Variants in MAP1B observed in about 807,000 individuals in gnomAD.
MAP1B encodes the protein microtubule-associated protein 1B.
MAP1B carries 12 observed loss-of-function variants against 176.1 expected under a neutral mutation model. That is an observed-to-expected ratio of 0.07 (90% CI 0.04 to 0.11). The LOEUF (loss-of-function observed/expected upper bound fraction) is 0.11, where lower values mean the gene tolerates loss of function less well. Ranked by LOEUF, MAP1B falls within the 10% of genes least tolerant of loss-of-function variation. MAP1B has a pLI of 1.00. For synonymous variants in MAP1B, 1,044 were observed against 1,135.0 expected, an observed-to-expected ratio of 0.92 and a Z score of 1.61; for missense variants, 2,523 against 2,990.5, an observed-to-expected ratio of 0.84 and a Z score of 3.65.
In MAP1B at chr5:72,196,900, C is replaced by T. The variant is rs779963708; in HGVS notation, c.3545C>T (p.Pro1182Leu). ...QEYSKPADVT[P>L]LNGFSEGSKT... ...TACTCTAAACCTGCTGATGTTACACCGCTCAACGGATTTTCTGAAGGATCA... is the reference window on the plus strand; with the variant it reads ...TACTCTAAACCTGCTGATGTTACACTGCTCAACGGATTTTCTGAAGGATCA... Residue 1182 changes from proline (P) to leucine (L), a missense_variant, in exon 5 of 7, where the codon CCG (proline) becomes CTG (leucine). Coordinates refer to ENST00000296755, the MANE Select transcript of MAP1B (RefSeq NM_005909.5). The surrounding 1 kb of genome is among the most constrained non-coding windows in gnomAD (Gnocchi z 5.3). 2.1e-5 allele frequency: 34 copies of T among 1,614,064 alleles called. No individual in the cohort carries two copies. The Middle Eastern group carries it at 4.9e-4, about 23-fold the overall frequency.
At chr5:72,176,976 G>T (rs1746663478) in intron 2 of MAP1B, among the ~76,000 whole-genome samples, 1 of 152,230 alleles carries the variant, frequency 6.6e-6, no homozygotes, top group Admixed American at 6.5e-5. Flanking sequence ...CTTCCCTGGA[G>T]ACAGATTCTG....
intron 1 of MAP1B, among the ~76,000 whole-genome samples, chr5:72,108,456 G>C (rs1579972955): frequency 6.6e-6 from 1 of 152,250 alleles, no homozygotes; most frequent in Non-Finnish European, 1.5e-5. Context: ...TCCCAGCCTC[G>C]GGAGTGGTAG....
At position 72,206,242 on chromosome 5, in the gene MAP1B, A is replaced by G. The variant is rs992629150; in HGVS notation, c.*1003A>G. 3 of 152,702 alleles carry G rather than the reference A, an allele frequency of 2.0e-5. No individual in the cohort carries two copies. The highest frequency in any genetic ancestry group is 6.5e-5 in the Admixed American group (1 of 15,290). The allele number at this position is 152,702 out of a possible 1,614,324, so 9.5% of individuals were successfully genotyped here. On this transcript the variant is annotated 3_prime_UTR_variant, in exon 7 of 7. Transcript: ENST00000296755. Reference sequence around the variant, plus strand: ...ACTTATTTTTTAATGTGAGACAGCAAGTTTATAAAACATCCATATAGGATT... The same window carrying G: ...ACTTATTTTTTAATGTGAGACAGCAGGTTTATAAAACATCCATATAGGATT...
chr5:72,172,925 C>G (rs1327894562), intron 2 of MAP1B, among the ~76,000 whole-genome samples: 2 of 152,180 alleles, frequency 1.3e-5, no homozygotes, highest in Non-Finnish European at 2.9e-5. Context: ...CAGCATGCCT[C>G]CAAGCAAACT....
Position 72,185,210 on chromosome 5 carries a change from C to G in MAP1B, c.369+1385C>G, listed in dbSNP as rs148126567. Among the ~76,000 whole-genome samples the G allele has an allele frequency of 5.2e-3, 797 of 152,238 alleles. 16 individuals carry two copies. The highest frequency in any genetic ancestry group is 0.018 in the African/African-American group (765 of 41,520). On this transcript the variant is annotated intron_variant, in intron 3 of 6. Transcript: ENST00000296755. ...GTGTATCCATTCCTCAGTTGACGGACACTTGAGTTGCTTCCACTTTTTGGC... is the reference window on the plus strand; with the variant it reads ...GTGTATCCATTCCTCAGTTGACGGAGACTTGAGTTGCTTCCACTTTTTGGC...
At chr5:72,187,431 A>T (rs1746931875) in intron 4 of MAP1B, among the ~76,000 whole-genome samples, 1 of 152,146 alleles carries the variant, frequency 6.6e-6, no homozygotes, top group African/African-American at 2.4e-5. Flanking sequence ...CTGCTTGGGA[A>T]TTTATCCTGG....
chr5:72,199,718 G>A lies in MAP1B; in HGVS notation c.6363G>A (p.Lys2121=). ...AAGAACCCACTGAAGAATCTGAAAA[G>A]CCCCTCACTCAATCAGGGGGAGCCC... The part of the protein sequence containing the change: ...ASEEPTEESE[K]PLTQSGGAPP... Residue 2121 remains lysine (K), a synonymous_variant, in exon 5 of 7, where the codon AAG becomes AAA. Transcript: ENST00000296755. This position sits in a 1 kb window ranked among gnomAD's most constrained non-coding sequence, Gnocchi z 4.2. The A allele has an allele frequency of 6.2e-7, 1 of 1,614,082 alleles. No individual in the cohort carries two copies. Among genetic ancestry groups the A allele is most frequent in the South Asian group, 1.1e-5 (1 of 91,078 alleles).
At chr5:72,170,429 T>C (rs912155623) in intron 2 of MAP1B, among the ~76,000 whole-genome samples, 10 of 152,220 alleles carry the variant, frequency 6.6e-5, no homozygotes, top group Non-Finnish European at 1.2e-4. Context: ...CTAAATGTTT[T>C]ATTTAGCCTT....
At chr5:72,124,271 C>T (rs535435198) in intron 2 of MAP1B, among the ~76,000 whole-genome samples, 1 of 152,176 alleles carries the variant, frequency 6.6e-6, no homozygotes, top group Non-Finnish European at 1.5e-5. Context: ...CTGAGAGAAA[C>T]GTGAGAAAGT....
intron 2 of MAP1B, among the ~76,000 whole-genome samples, chr5:72,145,688 G>A (rs773564470): frequency 7.2e-5 from 11 of 152,162 alleles, no homozygotes; most frequent in Admixed American, 2.6e-4. Flanking sequence ...GTGAAGTGTT[G>A]GTGGATTTCC....
chr5:72,115,891 T>C (rs1531312), intron 2 of MAP1B, 92 bp downstream of exon 2: 565,367 of 839,288 alleles, frequency 0.67, 194,516 homozygotes, highest in Middle Eastern at 0.74. Context: ...AAAGACTCTC[T>C]TATTGCTAAA....
At chr5:72,193,784 CATAGTT>C in intron 4 of MAP1B, 76 bp from the exon 5 acceptor site, 1 of 1,417,902 alleles carries the variant, frequency 7.1e-7, no homozygotes. Flanking sequence ...TCCTGTAACA[CATAGTT>C]ATAGCTGGAG....
intron 2 of MAP1B, among the ~76,000 whole-genome samples, chr5:72,174,021 T>A (rs905568761): frequency 6.6e-6 from 1 of 152,168 alleles, no homozygotes; most frequent in African/African-American, 2.4e-5. Context: ...TCCCAGCTAT[T>A]CAGGAGGCTG....
intron 4 of MAP1B, among the ~76,000 whole-genome samples, chr5:72,190,898 A>G (rs947563131): frequency 1.3e-5 from 2 of 152,228 alleles, no homozygotes; most frequent in Non-Finnish European, 2.9e-5. Context: ...TAGAAATTCA[A>G]ATCTTGTTTC....
At chr5:72,157,618 G>T (rs1746250334) in intron 2 of MAP1B, among the ~76,000 whole-genome samples, 1 of 152,140 alleles carries the variant, frequency 6.6e-6, no homozygotes, top group Non-Finnish European at 1.5e-5. Context: ...GGGCAAGTGG[G>T]CAGCAGAATC....
At chr5:72,154,177 A>G (rs561084615) in intron 2 of MAP1B, among the ~76,000 whole-genome samples, 62 of 152,226 alleles carry the variant, frequency 4.1e-4, no homozygotes, top group African/African-American at 1.0e-3. Flanking sequence ...TGTCTATCAC[A>G]GTGAAGTTGC....
intron 2 of MAP1B, among the ~76,000 whole-genome samples, chr5:72,119,508 TTGTTG>T (rs1745489401): frequency 6.6e-6 from 1 of 152,214 alleles, no homozygotes; most frequent in South Asian, 2.1e-4. Flanking sequence ...TCTTTTGTTG[TTGTTG>T]TTGTTGTTTT....
At position 72,205,259 on chromosome 5, in the gene MAP1B, C is replaced by A. The variant is rs868497640; in HGVS notation, c.*20C>A. 2.5e-6 allele frequency: 4 copies of A among 1,593,670 alleles called. No homozygotes were observed. The highest frequency in any genetic ancestry group is 3.4e-4 in the Middle Eastern group (2 of 5,956). On this transcript the variant is annotated 3_prime_UTR_variant, in exon 7 of 7. Transcript: ENST00000296755. Reference sequence around the variant, plus strand: ...CTGTAAAAACCAAGGCCAGCCACACCACAGGATCTGAACTTTGTTTCCAGA... The same window carrying A: ...CTGTAAAAACCAAGGCCAGCCACACAACAGGATCTGAACTTTGTTTCCAGA...
intron 2 of MAP1B, among the ~76,000 whole-genome samples, chr5:72,151,293 T>A (rs1334757488): frequency 6.6e-6 from 1 of 152,108 alleles, no homozygotes; most frequent in Non-Finnish European, 1.5e-5. Context: ...CACCAAGCCA[T>A]TCATGAGGGA....
Sources: allele counts gnomAD v4.1 joint callset (sites outside exome capture counted in the v4.1 genomes callset), GRCh38; gene constraint gnomAD v4.1.1; non-coding constraint Gnocchi (gnomAD v3.1); transcripts MANE v1.5; gene names NCBI Gene and HGNC (gene_info 2026-07-23, HGNC 2026-07-21).